Variants in MAD1L1 observed in about 807,000 individuals in gnomAD.
The protein encoded by MAD1L1 is mitotic spindle assembly checkpoint protein MAD1.
MAD1L1 carries 95 observed loss-of-function variants against 96.9 expected under a neutral mutation model. The observed-to-expected ratio is 0.98, with a 90% CI of 0.83 to 1.16. The LOEUF is 1.16. MAD1L1 is among the 50% of genes most tolerant of loss of function. The probability of loss-of-function intolerance (pLI) is 0.00; values close to 1 mark genes in which losing one functional copy is unlikely to be tolerated. For missense variants in MAD1L1, 1,007 were observed against 954.4 expected, an observed-to-expected ratio of 1.06 and a Z score of -0.73; for synonymous variants, 473 against 396.6, an observed-to-expected ratio of 1.19 and a Z score of -2.29.
At chr7:1,983,077 C>T (rs561064753) in intron 14 of MAD1L1, among the ~76,000 whole-genome samples, 13 of 152,244 alleles carry the variant, frequency 8.5e-5, no homozygotes, top group East Asian at 1.9e-4. Flanking sequence ...CACTGATACA[C>T]GTATGCGCGT....
At chr7:2,047,991 T>C (rs1229365468) in intron 12 of MAD1L1, among the ~76,000 whole-genome samples, 1 of 151,964 alleles carries the variant, frequency 6.6e-6, no homozygotes, top group Non-Finnish European at 1.5e-5. Context: ...CACACAGAAC[T>C]CACACAGCAC....
intron 16 of MAD1L1, among the ~76,000 whole-genome samples, chr7:1,939,371 C>T (rs774703457): frequency 4.6e-5 from 7 of 152,044 alleles, no homozygotes; most frequent in East Asian, 3.9e-4. Context: ...CGCACACACA[C>T]GCACACACAC....
chr7:2,049,751 G>GGGCACCTCATCCAATGTCTGCA (rs1784083473), intron 12 of MAD1L1, among the ~76,000 whole-genome samples: 1 of 152,284 alleles, frequency 6.6e-6, no homozygotes, highest in East Asian at 1.9e-4. Flanking sequence ...GTAATTCCCA[G>GGGCACCTCATCCAATGTCTGCA]GGCACCTCAT....
At chr7:2,105,518 C>T (rs1787042928) in intron 11 of MAD1L1, among the ~76,000 whole-genome samples, 1 of 152,114 alleles carries the variant, frequency 6.6e-6, no homozygotes, top group Non-Finnish European at 1.5e-5. Flanking sequence ...TCATAAAGGA[C>T]AACCCAAATG....
chr7:2,036,889 A>G (rs1456011011), intron 12 of MAD1L1, among the ~76,000 whole-genome samples: 1 of 152,082 alleles, frequency 6.6e-6, no homozygotes, highest in Non-Finnish European at 1.5e-5. Flanking sequence ...AGATCCCACC[A>G]ACGCCACTCA....
rs572616658 is a variant in MAD1L1, at chr7:2,232,727, G to C, written c.-190+145C>G. 2.0e-5 allele frequency: 3 copies of C among 152,774 alleles called. No homozygotes were observed. The South Asian group carries it at 6.2e-4, about 32-fold the overall frequency. The allele number at this position is 152,774 out of a possible 1,614,324, so 9.5% of individuals were successfully genotyped here. Reference sequence around the variant, plus strand: ...AGCGCGCCCATGGGAGACGGGGCGGGCGCGGGGTCCTGAGGCACGGGGTCT... The same window carrying C: ...AGCGCGCCCATGGGAGACGGGGCGGCCGCGGGGTCCTGAGGCACGGGGTCT... On this transcript the variant is annotated intron_variant, in intron 1 of 18. Coordinates refer to ENST00000265854, the MANE Select transcript of MAD1L1 (RefSeq NM_001013836.2).
chr7:2,229,893 G>A lies in MAD1L1; in HGVS notation c.150+91C>T, dbSNP rs536029153. On this transcript the variant is annotated intron_variant, in intron 3 of 18. Coordinates refer to ENST00000265854, the MANE Select transcript of MAD1L1 (RefSeq NM_001013836.2). ...GCTGTCTCTAGGCTCTGCTAATACC[G>A]ACCCACCTCAACTACAGAAGACTGG... The A allele has an allele frequency of 1.0e-4, 142 of 1,391,974 alleles. No individual in the cohort carries two copies. In the East Asian group the frequency reaches 2.4e-3, roughly 23 times the overall value. 86.2% of individuals were successfully genotyped at this position (1,391,974 alleles called of 1,614,324 possible).
chr7:2,180,794 T>C (rs1403543679), intron 10 of MAD1L1, among the ~76,000 whole-genome samples: 2 of 152,202 alleles, frequency 1.3e-5, no homozygotes, highest in African/African-American at 4.8e-5. Context: ...ATTTTGTAAA[T>C]GTGTATTCTT....
intron 18 of MAD1L1, among the ~76,000 whole-genome samples, chr7:1,843,277 G>A (rs1328465955): frequency 6.6e-6 from 1 of 152,128 alleles, no homozygotes; most frequent in Admixed American, 6.5e-5. Context: ...CAGGTTCTTC[G>A]GCAGTAAATC....
Position 1,881,012 on chromosome 7 carries a change from T to C in MAD1L1, c.1998+17188A>G, listed in dbSNP as rs1467043069. ...TGGTTCTTTGCTCAGACCCTGTCCA[T>C]CTGCAGAACCTTAGGTGAACCAGGG... On this transcript the variant is annotated intron_variant, in intron 18 of 18. Coordinates refer to ENST00000265854, the MANE Select transcript of MAD1L1 (RefSeq NM_001013836.2). Among the ~76,000 whole-genome samples, 5 of 152,208 alleles carry C rather than the reference T, an allele frequency of 3.3e-5. No individual in the cohort carries two copies. The East Asian group carries it at 9.6e-4, about 29-fold the overall frequency.
At chr7:2,208,379 A>C (rs1234192646) in intron 10 of MAD1L1, among the ~76,000 whole-genome samples, 2 of 151,556 alleles carry the variant, frequency 1.3e-5, no homozygotes, top group Non-Finnish European at 3.0e-5. Context: ...CCTCCTTTCC[A>C]GTCTGTCCAT....
rs1433014635 is a variant in MAD1L1, at chr7:2,225,555, G to GAAAAA, written c.151-6_151-5insTTTTT. 6.2e-7 allele frequency: 1 copy of GAAAAA among 1,612,908 alleles called. No homozygotes were observed. The highest frequency in any genetic ancestry group is 8.5e-7 in the Non-Finnish European group (1 of 1,180,016). ...CTGCTCTGCTCTTTCCTCCAGCTGAGCAGGTCGCACCCAAAGAAAAACAGA... is the reference window on the plus strand; with the variant it reads ...CTGCTCTGCTCTTTCCTCCAGCTGAGAAAAACAGGTCGCACCCAAAGAAAAACAGA... On this transcript the variant is annotated splice_polypyrimidine_tract_variant and splice_region_variant and intron_variant, in intron 3 of 18. Transcript: ENST00000265854.
At chr7:1,847,770 T>C in intron 18 of MAD1L1, 1 of 459,942 alleles carries the variant, frequency 2.2e-6, no homozygotes, top group Non-Finnish European at 4.5e-6. Context: ...CTGCGTGCTG[T>C]GTACAAGAAT....
chr7:2,180,933 T>C (rs564697751), intron 10 of MAD1L1, among the ~76,000 whole-genome samples: 184 of 152,328 alleles, frequency 1.2e-3, no homozygotes, highest in Admixed American at 3.9e-3. Context: ...AGCACAATGC[T>C]GAACAGAAGT....
At chr7:1,879,908 T>A (rs189359663) in intron 18 of MAD1L1, among the ~76,000 whole-genome samples, 1 of 152,264 alleles carries the variant, frequency 6.6e-6, no homozygotes, top group South Asian at 2.1e-4. Flanking sequence ...TTTTTCGTAT[T>A]TTTAGCAGAG....
rs995275604 is a variant in MAD1L1, at chr7:1,968,953, C to T, written c.1506-11234G>A. Among the ~76,000 whole-genome samples the T allele has an allele frequency of 5.9e-5, 9 of 152,216 alleles. No individual in the cohort carries two copies. Among genetic ancestry groups the T allele is most frequent in the Non-Finnish European group, 1.2e-4 (8 of 68,046 alleles). ...TGGAGACAGGCCCAGAGTCACACGCCGGTGACGAGCACCATGGCAGCGTGA... is the reference window on the plus strand; with the variant it reads ...TGGAGACAGGCCCAGAGTCACACGCTGGTGACGAGCACCATGGCAGCGTGA... On this transcript the variant is annotated intron_variant, in intron 15 of 18. Transcript: ENST00000265854. This position sits in a 1 kb window ranked among gnomAD's most constrained non-coding sequence, Gnocchi z 5.6.
At chr7:2,216,037 ACCCTAGGGATAAGGCC>A in intron 8 of MAD1L1, 38 bp from the exon 9 acceptor site, 2 of 1,612,026 alleles carry the variant, frequency 1.2e-6, no homozygotes, top group Non-Finnish European at 1.7e-6. Flanking sequence ...ATAGCCACAC[ACCCTAGGGATAAGGCC>A]AAGAGCCCGG....
At chr7:2,047,141 G>A (rs1949693) in intron 12 of MAD1L1, among the ~76,000 whole-genome samples, 151,408 of 152,330 alleles carry the variant, frequency 0.99, 75,255 homozygotes, top group Non-Finnish European at 1. Context: ...CTACAAGTCA[G>A]TGTCTTTCCT....
At chr7:1,911,952 G>A (rs761749270) in intron 17 of MAD1L1, among the ~76,000 whole-genome samples, 15 of 152,234 alleles carry the variant, frequency 9.9e-5, no homozygotes, top group Admixed American at 3.9e-4. Context: ...TGTCCAACCC[G>A]CCCTCCATGC....
Sources: allele counts gnomAD v4.1 joint callset (sites outside exome capture counted in the v4.1 genomes callset), GRCh38; gene constraint gnomAD v4.1.1; non-coding constraint Gnocchi (gnomAD v3.1); transcripts MANE v1.5; gene names NCBI Gene and HGNC (gene_info 2026-07-23, HGNC 2026-07-21).